The following XKR6 variants were observed in gnomAD, a reference collection of about 807,000 sequenced individuals.
XKR6 encodes the protein XK related 6.
A neutral mutation model predicts 56.7 loss-of-function variants in XKR6; 22 were observed. That is an observed-to-expected ratio of 0.39 (90% CI 0.28 to 0.55). The LOEUF (loss-of-function observed/expected upper bound fraction) is 0.55, where lower values mean the gene tolerates loss of function less well. XKR6 is among the 20% of genes least tolerant of loss of function. XKR6 has a pLI of 0.66. For missense variants in XKR6, 852 were observed against 889.0 expected (o/e 0.96, Z 0.53); for synonymous variants, 524 against 387.8 (o/e 1.35, Z -4.13).
At chr8:11,173,333 G>C (rs1802474696) in intron 1 of XKR6, among the ~76,000 whole-genome samples, 1 of 150,244 alleles carries the variant, frequency 6.7e-6, no homozygotes, top group African/African-American at 2.5e-5. Flanking sequence ...AACAAAGCGA[G>C]ACTCCGCCTT....
intron 1 of XKR6, among the ~76,000 whole-genome samples, chr8:11,107,624 G>A (rs1798727967): frequency 6.6e-6 from 1 of 152,148 alleles, no homozygotes; most frequent in Admixed American, 6.5e-5. Context: ...TCTCTCTGTA[G>A]ATGCGAAACA....
chr8:11,033,418 ATGATGATGATGG>A (rs1411658687), intron 1 of XKR6, among the ~76,000 whole-genome samples: 4 of 120,822 alleles, frequency 3.3e-5, no homozygotes, highest in African/African-American at 7.8e-5. Context: ...GGTGATGATG[ATGATGATGATGG>A]TGATGATGAT....
At chr8:11,195,019 A>G in intron 1 of XKR6, 7 of 601,090 alleles carry the variant, frequency 1.2e-5, no homozygotes, top group Non-Finnish European at 2.1e-5. Flanking sequence ...ACAAGAAATA[A>G]ATCTTTAGAG....
intron 1 of XKR6, among the ~76,000 whole-genome samples, chr8:11,193,480 T>C (rs948577539): frequency 1.1e-4 from 16 of 152,224 alleles, no homozygotes; most frequent in African/African-American, 3.9e-4. Flanking sequence ...TGTAGAACTA[T>C]ATTAATGTCA....
chr8:11,173,134 G>A (rs1802462141), intron 1 of XKR6, among the ~76,000 whole-genome samples: 2 of 150,432 alleles, frequency 1.3e-5, no homozygotes, highest in Non-Finnish European at 3.0e-5. Context: ...AGGAGATCGA[G>A]ACCATCCTGG....
intron 1 of XKR6, among the ~76,000 whole-genome samples, chr8:11,173,816 C>T (rs1331145988): frequency 6.6e-6 from 1 of 152,160 alleles, no homozygotes; most frequent in Non-Finnish European, 1.5e-5. Flanking sequence ...GTGTGACTGC[C>T]AGTATGTACC....
At chr8:11,075,840 T>C (rs1036091643) in intron 1 of XKR6, among the ~76,000 whole-genome samples, 6 of 152,044 alleles carry the variant, frequency 3.9e-5, no homozygotes, top group Non-Finnish European at 8.8e-5. Flanking sequence ...ACCATTGCAC[T>C]CCAGCCTGGG....
chr8:10,984,724 C>CTATATATATATATATA (rs1393662292), intron 1 of XKR6, among the ~76,000 whole-genome samples: 2 of 74,892 alleles, frequency 2.7e-5, no homozygotes, highest in African/African-American at 6.2e-5. Context: ...CTCTCTCTCT[C>CTATATATATATATATA]TCTCTCTCTA....
chr8:10,988,026 A>T (rs1797902566), intron 1 of XKR6, among the ~76,000 whole-genome samples: 1 of 152,156 alleles, frequency 6.6e-6, no homozygotes, highest in Non-Finnish European at 1.5e-5. Context: ...TTTTCCACTG[A>T]AAAACAAAAA....
At chr8:11,115,562 T>C (rs918018993) in intron 1 of XKR6, among the ~76,000 whole-genome samples, 5 of 152,226 alleles carry the variant, frequency 3.3e-5, no homozygotes, top group African/African-American at 1.2e-4. Context: ...ACATTATCGT[T>C]CAATGTTTTG....
chr8:10,917,695 G>A (rs1781557777), intron 2 of XKR6, among the ~76,000 whole-genome samples: 1 of 152,110 alleles, frequency 6.6e-6, no homozygotes, highest in African/African-American at 2.4e-5. Context: ...GGTTCCTGGG[G>A]TGCCCTGATT....
At chr8:10,970,107 CTCTGG>C (rs1353737125) in intron 1 of XKR6, among the ~76,000 whole-genome samples, 1 of 152,200 alleles carries the variant, frequency 6.6e-6, no homozygotes, top group Non-Finnish European at 1.5e-5. Context: ...GGCTGTTGGG[CTCTGG>C]TCAGATGCCT....
intron 1 of XKR6, among the ~76,000 whole-genome samples, chr8:11,103,208 A>G (rs981332840): frequency 5.3e-5 from 8 of 152,244 alleles, no homozygotes; most frequent in African/African-American, 1.9e-4. Context: ...GAGAAGACAG[A>G]AACTACAATT....
chr8:11,019,016 G>T (rs1268608068), intron 1 of XKR6, among the ~76,000 whole-genome samples: 1 of 151,990 alleles, frequency 6.6e-6, no homozygotes, highest in Non-Finnish European at 1.5e-5. Context: ...TCATCCTCAG[G>T]CCCCCTCACC....
intron 1 of XKR6, chr8:11,137,439 G>T: frequency 2.6e-6 from 1 of 389,800 alleles, no homozygotes; most frequent in Non-Finnish European, 5.0e-6. Flanking sequence ...CCTCAAACGT[G>T]GACAGTCCCT....
intron 1 of XKR6, among the ~76,000 whole-genome samples, chr8:10,929,246 C>T (rs946851529): frequency 2.0e-5 from 3 of 152,240 alleles, no homozygotes; most frequent in African/African-American, 7.2e-5. Context: ...CTATTATGGG[C>T]ATTTGGCACA....
chr8:11,181,615 G>C (rs1157195185), intron 1 of XKR6, among the ~76,000 whole-genome samples: 1 of 152,172 alleles, frequency 6.6e-6, no homozygotes, highest in South Asian at 2.1e-4. Flanking sequence ...TATGTGGAAA[G>C]AGGAATAGAT....
Position 11,013,535 on chromosome 8 carries a change from G to C in XKR6, c.765-88705C>G, listed in dbSNP as rs564129409. The stretch of plus-strand genomic sequence containing the variant: ...GATGGCAAAGGACTTAACTGTCTTT[G>C]TACCAGCAATTTGTTGCCACAAATT... On this transcript the variant is annotated intron_variant, in intron 1 of 2. Coordinates refer to ENST00000416569, the MANE Select transcript of XKR6 (RefSeq NM_173683.4). 5.3e-5 allele frequency among the ~76,000 whole-genome samples: 8 copies of C among 152,278 alleles called. 1 individual carries two copies. Among genetic ancestry groups the C allele is most frequent in the African/African-American group, 1.9e-4 (8 of 41,554 alleles).
chr8:10,951,090 C>T (rs946525321), intron 1 of XKR6, among the ~76,000 whole-genome samples: 8 of 152,318 alleles, frequency 5.3e-5, no homozygotes, highest in African/African-American at 1.9e-4. Flanking sequence ...CCATCCACGA[C>T]CCCAGGGCTG....
Sources: gnomAD v4.1 joint callset for allele counts (sites outside exome capture counted in the v4.1 genomes callset) on GRCh38, gnomAD v4.1.1 for gene constraint, MANE v1.5 for transcripts, NCBI Gene and HGNC (gene_info 2026-07-23, HGNC 2026-07-21) for gene names.